The following TSGA10 variants were observed in gnomAD, a reference collection of about 807,000 sequenced individuals.
The protein encoded by TSGA10 is testis specific 10.
Under a neutral mutation model 96.6 loss-of-function variants are expected in TSGA10, and 43 were observed. The ratio of observed to expected loss-of-function variants is 0.44; its 90% CI spans 0.35 to 0.57. TSGA10 has a LOEUF of 0.57. Among genes scored for constraint, TSGA10 ranks in the 20% least tolerant of loss-of-function variants. The pLI is 0.01. For synonymous variants in TSGA10, 229 were observed against 269.9 expected (o/e 0.85, Z 1.48); for missense variants, 703 against 834.4 (o/e 0.84, Z 1.94).
chr2:99,071,419 T>C (rs896016884), intron 14 of TSGA10, among the ~76,000 whole-genome samples: 1 of 152,102 alleles, frequency 6.6e-6, no homozygotes, highest in Admixed American at 6.5e-5. Context: ...TTAAGGTTTC[T>C]CAAGGTTTTT....
intron 1 of TSGA10, among the ~76,000 whole-genome samples, chr2:99,139,721 T>C (rs1004819451): frequency 1.3e-5 from 2 of 152,068 alleles, no homozygotes; most frequent in Non-Finnish European, 2.9e-5. Flanking sequence ...TTAAAAAAAA[T>C]GTTGAGTAAA....
At chr2:99,003,514 A>G (rs1247548026) in intron 20 of TSGA10, among the ~76,000 whole-genome samples, 1 of 152,234 alleles carries the variant, frequency 6.6e-6, no homozygotes, top group African/African-American at 2.4e-5. Context: ...TCAGCACCAC[A>G]TCACACTTAT....
At chr2:99,006,047 A>AT (rs1385030147) in intron 20 of TSGA10, among the ~76,000 whole-genome samples, 1 of 152,204 alleles carries the variant, frequency 6.6e-6, no homozygotes, top group Non-Finnish European at 1.5e-5. Flanking sequence ...TGGGGAAAGG[A>AT]TTCCCTATTT....
At chr2:99,148,328 ATTCATC>A (rs1432786888) in intron 1 of TSGA10, 1 of 152,244 alleles carries the variant, frequency 6.6e-6, no homozygotes, top group Non-Finnish European at 1.5e-5. Context: ...AGGAAGAAAA[ATTCATC>A]TTCAAGTTCC....
intron 10 of TSGA10, among the ~76,000 whole-genome samples, chr2:99,094,835 A>G (rs1237971657): frequency 6.6e-6 from 1 of 152,188 alleles, no homozygotes; most frequent in African/African-American, 2.4e-5. Flanking sequence ...ACTATGGAAA[A>G]CAGTGTGGAG....
At position 99,112,340 on chromosome 2, in the gene TSGA10, G is replaced by A. The variant is rs980143860; in HGVS notation, c.-139-1425C>T. Among the ~76,000 whole-genome samples the A allele has an allele frequency of 3.9e-5, 6 of 152,108 alleles. No individual in the cohort carries two copies. In the South Asian group the frequency reaches 6.2e-4, roughly 16 times the overall value. On this transcript the variant is annotated intron_variant, in intron 4 of 20. Transcript: ENST00000393483. ...CCCTCAAAAAAATAATACAAGGAGC[G>A]CTCACGTTCTAAGCACTTGAGTTAA...
At chr2:99,114,929 T>A (rs976635171) in intron 4 of TSGA10, among the ~76,000 whole-genome samples, 4 of 152,140 alleles carry the variant, frequency 2.6e-5, no homozygotes, top group Non-Finnish European at 5.9e-5. Flanking sequence ...AACTCTTCAA[T>A]ATTGATATAT....
intron 1 of TSGA10, chr2:99,150,579 AT>A: frequency 6.2e-7 from 1 of 1,613,662 alleles, no homozygotes. Flanking sequence ...CACTTAGTAA[AT>A]CTGCTACTCA....
At chr2:99,139,720 A>C (rs558687193) in intron 1 of TSGA10, among the ~76,000 whole-genome samples, 13 of 152,362 alleles carry the variant, frequency 8.5e-5, no homozygotes, top group Admixed American at 3.3e-4. Context: ...CTTAAAAAAA[A>C]TGTTGAGTAA....
intron 2 of TSGA10, among the ~76,000 whole-genome samples, chr2:99,122,141 A>C (rs2092605426): frequency 6.6e-6 from 1 of 152,212 alleles, no homozygotes; most frequent in African/African-American, 2.4e-5. Context: ...ATCCCTCACC[A>C]ATATCACAGT....
rs750042796 is a variant in TSGA10 at position 99,105,341 on chromosome 2, CTT to C, written c.459+16_459+17del. 34,249 of 1,362,692 alleles carry C rather than the reference CTT, an allele frequency of 0.025. No individual in the cohort carries two copies. Among genetic ancestry groups the C allele is most frequent in the South Asian group, 0.047 (3,417 of 73,148 alleles). The allele number at this position is 1,362,692 out of a possible 1,614,324, so 84.4% of individuals were successfully genotyped here. A position where few individuals can be genotyped will look rare whatever the true frequency, so the allele number is the denominator to read the frequency against. On this transcript the variant is annotated intron_variant, in intron 9 of 20. Transcript: ENST00000393483. ...GTGTTTATAGCCAAAAGAGACTTTTCTTTTTTTTTTTTTTTACATTATGAACT... is the reference window on the plus strand; with the variant it reads ...GTGTTTATAGCCAAAAGAGACTTTTCTTTTTTTTTTTTTACATTATGAACT...
chr2:99,001,666 A>G (rs1274651376), intron 20 of TSGA10, among the ~76,000 whole-genome samples: 1 of 152,198 alleles, frequency 6.6e-6, no homozygotes, highest in Admixed American at 6.5e-5. Context: ...ACTTCAGAGG[A>G]TCAGTAATAA....
intron 1 of TSGA10, among the ~76,000 whole-genome samples, chr2:99,142,903 A>G (rs918467458): frequency 6.6e-6 from 1 of 152,198 alleles, no homozygotes; most frequent in East Asian, 1.9e-4. Flanking sequence ...CCTTATAGAA[A>G]GAATAAGAAA....
intron 10 of TSGA10, among the ~76,000 whole-genome samples, chr2:99,084,386 T>A (rs989775884): frequency 2.6e-5 from 4 of 151,958 alleles, no homozygotes; most frequent in African/African-American, 9.7e-5. Context: ...ATAAGTGAGA[T>A]CTCGCTAGTT....
In TSGA10 at chr2:99,029,806, G is replaced by A. The variant is rs61221129; in HGVS notation, c.1614+5424C>T. Among the ~76,000 whole-genome samples, 500 of 152,328 alleles carry A rather than the reference G, an allele frequency of 3.3e-3. 4 individuals carry two copies. Among genetic ancestry groups the A allele is most frequent in the African/African-American group, 0.012 (483 of 41,578 alleles). On this transcript the variant is annotated intron_variant, in intron 17 of 20. Transcript: ENST00000393483. ...TAACACTAGTGGTGAAACACTGAAT[G>A]CTTTCTGCCTAATATTGGGAAGAAG...
At chr2:99,102,660 G>A in intron 10 of TSGA10, 1 of 1,613,960 alleles carries the variant, frequency 6.2e-7, no homozygotes, top group Non-Finnish European at 8.5e-7. Context: ...CAAATTCTAT[G>A]GTGTAAAGTT....
intron 1 of TSGA10, among the ~76,000 whole-genome samples, chr2:99,143,408 C>T (rs2093598310): frequency 6.6e-6 from 1 of 151,648 alleles, no homozygotes; most frequent in African/African-American, 2.4e-5. Flanking sequence ...ATCCACCCGC[C>T]TCAGCCTCCC....
Position 98,998,184 on chromosome 2 carries a change from A to G in TSGA10, c.*13T>C, listed in dbSNP as rs749544083. ...TTGACCTTTCTCAGGGATGTGAAGA[A>G]TCATTTCAGGTGTCAGAAATCTCTG... On this transcript the variant is annotated 3_prime_UTR_variant, in exon 21 of 21. Coordinates refer to ENST00000393483, the MANE Select transcript of TSGA10 (RefSeq NM_025244.4). 5 of 1,599,604 alleles carry G rather than the reference A, an allele frequency of 3.1e-6. No homozygotes were observed. Among genetic ancestry groups the G allele is most frequent in the Non-Finnish European group, 4.3e-6 (5 of 1,175,232 alleles).
chr2:99,060,789 T>C (rs2084600005), intron 16 of TSGA10, among the ~76,000 whole-genome samples: 1 of 152,154 alleles, frequency 6.6e-6, no homozygotes, highest in Non-Finnish European at 1.5e-5. Flanking sequence ...TATATGATCA[T>C]TTGATTTTTG....
Sources: gnomAD v4.1 joint callset for allele counts (sites outside exome capture counted in the v4.1 genomes callset) on GRCh38, gnomAD v4.1.1 for gene constraint, MANE v1.5 for transcripts, NCBI Gene and HGNC (gene_info 2026-07-23, HGNC 2026-07-21) for gene names.